Variants in SPATA13 observed in about 807,000 individuals in gnomAD.
The protein encoded by SPATA13 is spermatogenesis associated 13, also known as spermatogenesis-associated protein 13.
In SPATA13, 50 loss-of-function variants were observed where a neutral mutation model predicts 104.0. The ratio of observed to expected loss-of-function variants is 0.48; its 90% CI spans 0.38 to 0.61. SPATA13 has a LOEUF of 0.61. SPATA13 is among the 20% of genes least tolerant of loss of function. The pLI is 0.00. For missense variants in SPATA13, 1,524 were observed against 1,690.6 expected, an observed-to-expected ratio of 0.90 and a Z score of 1.73; for synonymous variants, 606 against 667.5, an observed-to-expected ratio of 0.91 and a Z score of 1.42.
intron 3 of SPATA13, among the ~76,000 whole-genome samples, chr13:24,029,189 C>T (rs73162166): frequency 1.4e-3 from 213 of 152,300 alleles, no homozygotes; most frequent in Non-Finnish European, 2.5e-3. Flanking sequence ...TCCCAAGTAG[C>T]TGGAACTTAC....
At chr13:24,081,936 T>G (rs1425555984) in intron 3 of SPATA13, among the ~76,000 whole-genome samples, 1 of 152,182 alleles carries the variant, frequency 6.6e-6, no homozygotes, top group East Asian at 1.9e-4. Flanking sequence ...GGGAGTCTAT[T>G]CCCAGGAGTG....
At chr13:23,990,290 G>A (rs948543421) in intron 2 of SPATA13, among the ~76,000 whole-genome samples, 1 of 152,056 alleles carries the variant, frequency 6.6e-6, no homozygotes, top group Non-Finnish European at 1.5e-5. Flanking sequence ...CATATCCCTG[G>A]CCAAAACCCT....
chr13:24,274,906 A>G (rs568785175), intron 4 of SPATA13, among the ~76,000 whole-genome samples: 7 of 152,202 alleles, frequency 4.6e-5, no homozygotes, highest in East Asian at 1.9e-4. Flanking sequence ...AGCTAAATCT[A>G]TGTCTCCTTG....
intron 3 of SPATA13, among the ~76,000 whole-genome samples, chr13:24,095,024 C>T (rs79904125): frequency 0.019 from 2,935 of 152,196 alleles, 79 homozygotes; most frequent in East Asian, 0.065. Context: ...AAAATAGAAT[C>T]GCCATGTGAT....
chr13:24,270,599 G>A, intron 4 of SPATA13: 3 of 648,990 alleles, frequency 4.6e-6, no homozygotes, highest in Non-Finnish European at 7.7e-6. Flanking sequence ...TATAGGTTTT[G>A]CCTTAGTTTA....
chr13:24,229,171 C>G lies in SPATA13; in HGVS notation c.1653+4589C>G, dbSNP rs1220553. ...AGTCTGGAGCATTCATGCTGCTTCTCCTACCAGCTCACAAGGAGAAACCCC... is the reference window on the plus strand; with the variant it reads ...AGTCTGGAGCATTCATGCTGCTTCTGCTACCAGCTCACAAGGAGAAACCCC... On this transcript the variant is annotated intron_variant, in intron 2 of 12. Transcript: ENST00000382108. Among the ~76,000 whole-genome samples the G allele has an allele frequency of 6.3e-3, 960 of 152,322 alleles. 7 individuals are homozygous for G. Among genetic ancestry groups the G allele is most frequent in the African/African-American group, 0.022 (922 of 41,570 alleles).
chr13:24,046,626 A>G (rs9318268), intron 3 of SPATA13, among the ~76,000 whole-genome samples: 69,382 of 147,672 alleles, frequency 0.47, 17,196 homozygotes, highest in African/African-American at 0.6. Context: ...AGAGTTTGTT[A>G]TTAGTTCCTG....
At chr13:24,046,351 G>A (rs554751816) in intron 3 of SPATA13, among the ~76,000 whole-genome samples, 1 of 150,718 alleles carries the variant, frequency 6.6e-6, no homozygotes, top group Admixed American at 6.6e-5. Flanking sequence ...GGAGTGCAGT[G>A]GTGTGATTAT....
intron 4 of SPATA13, among the ~76,000 whole-genome samples, chr13:24,277,227 A>T (rs537963252): frequency 6.6e-6 from 1 of 151,924 alleles, no homozygotes; most frequent in African/African-American, 2.4e-5. Context: ...GGCGGATCAC[A>T]AGGTCAGGAG....
At position 23,990,322 on chromosome 13, in the gene SPATA13, G is replaced by C. The variant is rs116117078; in HGVS notation, c.-147+6389G>C. 6.7e-3 allele frequency among the ~76,000 whole-genome samples: 1,022 copies of C among 152,292 alleles called. 13 individuals carry two copies. The highest frequency in any genetic ancestry group is 0.021 in the African/African-American group (891 of 41,558). Reference sequence around the variant, plus strand: ...CCCTTTGATGGCCACCACTCCCCCAGAATAAAGCTCAAACTTATTAGCATG... The same window carrying C: ...CCCTTTGATGGCCACCACTCCCCCACAATAAAGCTCAAACTTATTAGCATG... On this transcript the variant is annotated intron_variant, in intron 2 of 14. Coordinates refer to the SPATA13 transcript ENST00000424834.
Position 24,300,448 on chromosome 13 carries a change from C to G in SPATA13, c.3631C>G (p.Gln1211Glu), listed in dbSNP as rs773323858. Residue 1211 changes from glutamine (Q) to glutamate (E), a missense_variant, in exon 12 of 13, where the codon CAA (glutamine) becomes GAA (glutamate). Around this residue, in one of 2 missense-constraint regions of SPATA13, gnomAD observed 435 missense variants for 554.8 expected, o/e 0.78. Coordinates refer to ENST00000382108, the MANE Select transcript of SPATA13 (RefSeq NM_001166271.3). ...GAAGAAACTTGCCATGTTAAATGCT[C>G]AAAAGGCAGGACATGGAAAGTCAAA... ...NQKKLAMLNA[Q>E]KAGHGKSKGY... The G allele has an allele frequency of 6.2e-7, 1 of 1,614,072 alleles. No individual in the cohort carries two copies. Among genetic ancestry groups the G allele is most frequent in the Admixed American group, 1.7e-5 (1 of 60,020 alleles).
chr13:24,300,508 G>T, intron 12 of SPATA13, 33 bp downstream of exon 12: 1 of 1,594,696 alleles, frequency 6.3e-7, no homozygotes, highest in Non-Finnish European at 8.6e-7. Flanking sequence ...TCCCCTTAAT[G>T]CTTATCAGTA....
intron 3 of SPATA13, among the ~76,000 whole-genome samples, chr13:24,139,842 C>T (rs4769326): frequency 0.27 from 40,312 of 151,914 alleles, 5,789 homozygotes; most frequent in East Asian, 0.56. Flanking sequence ...CCAAGGAGGG[C>T]GGATAACGAG....
At chr13:24,064,215 T>G (rs945060925) in intron 3 of SPATA13, among the ~76,000 whole-genome samples, 3 of 152,140 alleles carry the variant, frequency 2.0e-5, no homozygotes, top group African/African-American at 7.2e-5. Context: ...TCACAGTACG[T>G]CAGTGTAACA....
At position 24,302,932 on chromosome 13, in the gene SPATA13, T is replaced by C; in HGVS notation, c.*159T>C. ...AAGGTCTTGGAATCACCTTCAGTCT[T>C]TGGAGACCCAGCTGCCTTTGTGGAA... is the stretch of plus-strand genomic sequence containing the variant. On this transcript the variant is annotated 3_prime_UTR_variant, in exon 13 of 13. Transcript: ENST00000382108. The C allele has an allele frequency of 1.1e-6, 1 of 883,028 alleles. No individual in the cohort carries two copies. Among genetic ancestry groups the C allele is most frequent in the Non-Finnish European group, 1.7e-6 (1 of 577,442 alleles). 54.7% of individuals were successfully genotyped at this position (883,028 alleles called of 1,614,324 possible).
chr13:24,269,479 C>A (rs1237748024), intron 4 of SPATA13, among the ~76,000 whole-genome samples: 1 of 152,196 alleles, frequency 6.6e-6, no homozygotes, highest in African/African-American at 2.4e-5. Context: ...TAGTTTACTG[C>A]AACCTCGAAC....
chr13:24,235,989 T>C lies in SPATA13; in HGVS notation c.1653+11407T>C, dbSNP rs139032621. Among the ~76,000 whole-genome samples the C allele has an allele frequency of 1.2e-4, 18 of 152,308 alleles. 1 individual carries two copies. Among genetic ancestry groups the C allele is most frequent in the African/African-American group, 4.3e-4 (18 of 41,552 alleles). On this transcript the variant is annotated intron_variant, in intron 2 of 12. Transcript: ENST00000382108. ...TCAGTTTTCACAGCCACTTGTGACATAGGTGATTTTTGTATTTGCTTTAAC... is the reference window on the plus strand; with the variant it reads ...TCAGTTTTCACAGCCACTTGTGACACAGGTGATTTTTGTATTTGCTTTAAC...
intron 4 of SPATA13, chr13:24,278,846 T>G: frequency 6.4e-7 from 1 of 1,570,632 alleles, no homozygotes. Context: ...CCCCAAAGCC[T>G]TGCATGAAGT....
chr13:24,294,435 T>C (rs904157295), intron 9 of SPATA13, among the ~76,000 whole-genome samples: 5 of 152,244 alleles, frequency 3.3e-5, no homozygotes, highest in African/African-American at 9.6e-5. Context: ...AAGTCACCCA[T>C]TGTCACCGTG....
Sources: gnomAD v4.1 joint callset for allele counts (sites outside exome capture counted in the v4.1 genomes callset) on GRCh38, gnomAD v4.1.1 for gene constraint, gnomAD v4.1.1 regional missense constraint, MANE v1.5 for transcripts, NCBI Gene and HGNC (gene_info 2026-07-23, HGNC 2026-07-21) for gene names.